MYOM1: variants seen among roughly 807,000 people sequenced by gnomAD.
MYOM1 encodes the protein myomesin-1.
In MYOM1, 164 loss-of-function variants were observed where a neutral mutation model predicts 205.3. That is an observed-to-expected ratio of 0.80 (90% confidence interval 0.70 to 0.91). The LOEUF (loss-of-function observed/expected upper bound fraction) is 0.91, where lower values mean the gene tolerates loss of function less well. Ranked by LOEUF, MYOM1 falls within the 40% of genes least tolerant of loss-of-function variation. MYOM1 has a pLI of 0.00. For synonymous variants in MYOM1, 772 were observed against 789.4 expected, an observed-to-expected ratio of 0.98 and a Z score of 0.37; for missense variants, 2,011 against 2,127.3, an observed-to-expected ratio of 0.95 and a Z score of 1.08.
Position 3,084,390 on chromosome 18 carries a change from A to G in MYOM1, c.4340-363T>C, listed in dbSNP as rs559811671. Among the ~76,000 whole-genome samples the G allele has an allele frequency of 9.3e-5, 14 of 150,680 alleles. 1 individual carries two copies. In the South Asian group the frequency reaches 2.9e-3, roughly 31 times the overall value. On this transcript the variant is annotated intron_variant, in intron 31 of 37. Coordinates refer to ENST00000356443, the MANE Select transcript of MYOM1 (RefSeq NM_003803.4). Reference sequence around the variant, plus strand: ...TAGAGGACATTTTCTTAGCCGTGTCATCGATTCATAATGAATTAACCATGT... The same window carrying G: ...TAGAGGACATTTTCTTAGCCGTGTCGTCGATTCATAATGAATTAACCATGT...
chr18:3,100,508 G>GTA, intron 23 of MYOM1, 82 bp from the exon 24 acceptor site: 1 of 932,772 alleles, frequency 1.1e-6, no homozygotes, highest in Non-Finnish European at 1.7e-6. Context: ...GGGCATTTGT[G>GTA]TATACTACTC....
At chr18:3,092,812 T>G (rs2079244190) in intron 26 of MYOM1, among the ~76,000 whole-genome samples, 1 of 152,178 alleles carries the variant, frequency 6.6e-6, no homozygotes, top group Admixed American at 6.5e-5. Flanking sequence ...ATAAATCACT[T>G]GAACGAGAAA....
At chr18:3,194,968 A>C (rs1373514731) in intron 2 of MYOM1, among the ~76,000 whole-genome samples, 1 of 152,214 alleles carries the variant, frequency 6.6e-6, no homozygotes, top group Non-Finnish European at 1.5e-5. Context: ...CTCTAAAGAC[A>C]AGGTGAACAG....
chr18:3,162,009 A>G (rs1455121614), intron 10 of MYOM1, among the ~76,000 whole-genome samples: 1 of 152,226 alleles, frequency 6.6e-6, no homozygotes, highest in Non-Finnish European at 1.5e-5. Context: ...TTCTAATCAT[A>G]GACCTTTTGG....
At position 3,116,438 on chromosome 18, in the gene MYOM1, C is replaced by T. The variant is rs756554639; in HGVS notation, c.3196G>A (p.Gly1066Arg). The T allele has an allele frequency of 3.8e-5, 61 of 1,613,482 alleles. No individual in the cohort carries two copies. In the East Asian group the frequency reaches 5.6e-4, roughly 15 times the overall value. The change falls in exon 21 of 38, where the codon GGG becomes AGG. Residue 1066 changes from glycine to arginine, a missense_variant. Coordinates refer to ENST00000356443, the MANE Select transcript of MYOM1 (RefSeq NM_003803.4). ...AAGTAACCAGTGACCGGAGTCCGCCCGGAGTGGACTGGCGGCTTCCACTGG... is the reference window on the plus strand; with the variant it reads ...AAGTAACCAGTGACCGGAGTCCGCCTGGAGTGGACTGGCGGCTTCCACTGG... ...VLQWKPPVHSGRTPVTGYFVD... is the reference protein window; with the variant it reads ...VLQWKPPVHSRRTPVTGYFVD...
chr18:3,122,104 G>A (rs947548273), intron 19 of MYOM1, among the ~76,000 whole-genome samples: 1 of 151,988 alleles, frequency 6.6e-6, no homozygotes, highest in African/African-American at 2.4e-5. Flanking sequence ...CAGGGACAGA[G>A]TGAGACTTTG....
chr18:3,239,813 T>G, the MYOM1 span, among the ~76,000 whole-genome samples: 15 of 126,550 alleles, frequency 1.2e-4, no homozygotes, highest in Admixed American at 9.4e-4. Context: ...ATGAAAAGAC[T>G]AGAGAAATGT....
At chr18:3,175,108 C>T (rs959628049) in intron 6 of MYOM1, among the ~76,000 whole-genome samples, 42 of 152,068 alleles carry the variant, frequency 2.8e-4, no homozygotes, top group South Asian at 6.2e-4. Context: ...AACACAGTTG[C>T]CCTTCTCATA....
At chr18:3,096,167 A>G (rs11081004) in intron 25 of MYOM1, among the ~76,000 whole-genome samples, 76,002 of 151,968 alleles carry the variant, frequency 0.5, 19,522 homozygotes, top group Admixed American at 0.62. Flanking sequence ...GATAGCCCAC[A>G]TCACAGTCAG....
At chr18:3,093,154 T>G (rs1374858318) in intron 26 of MYOM1, among the ~76,000 whole-genome samples, 1 of 152,174 alleles carries the variant, frequency 6.6e-6, no homozygotes, top group Non-Finnish European at 1.5e-5. Flanking sequence ...CTCCTAATAT[T>G]CATGGTACTC....
chr18:3,215,244 C>T lies in MYOM1; in HGVS notation c.-21G>A, dbSNP rs1381706308. The T allele has an allele frequency of 1.9e-6, 3 of 1,585,378 alleles. No individual in the cohort carries two copies. Among genetic ancestry groups the T allele is most frequent in the African/African-American group, 1.3e-5 (1 of 74,438 alleles). On this transcript the variant is annotated 5_prime_UTR_variant, in exon 2 of 38. Coordinates refer to ENST00000356443, the MANE Select transcript of MYOM1 (RefSeq NM_003803.4). ...GACATCCTGTGCCCCTTGAAGGAAC[C>T]GGGCCACCTGAAGGAAAACAACACT...
At chr18:3,153,481 T>G (rs531729375) in intron 11 of MYOM1, among the ~76,000 whole-genome samples, 7 of 152,332 alleles carry the variant, frequency 4.6e-5, no homozygotes, top group African/African-American at 1.7e-4. Context: ...GTATTTTCAC[T>G]ATGACTAAGG....
At chr18:3,167,720 C>T (rs536986049) in intron 9 of MYOM1, among the ~76,000 whole-genome samples, 2 of 152,294 alleles carry the variant, frequency 1.3e-5, no homozygotes, top group Non-Finnish European at 2.9e-5. Context: ...TTTTTCAAGT[C>T]CAGTGCTTCA....
chr18:3,210,397 T>C lies in MYOM1; in HGVS notation c.290+4537A>G, dbSNP rs191609906. Among the ~76,000 whole-genome samples, 303 of 152,292 alleles carry C rather than the reference T, an allele frequency of 2.0e-3. 1 individual carries two copies. The highest frequency in any genetic ancestry group is 0.014 in the Middle Eastern group (4 of 294). On this transcript the variant is annotated intron_variant, in intron 2 of 37. Coordinates refer to ENST00000356443, the MANE Select transcript of MYOM1 (RefSeq NM_003803.4). ...TGGGAGTGGGGGTGGTTGATCAATG[T>C]GACATAGGGGTAGGTGAGGGGCATG...
chr18:3,211,315 C>A (rs1433660019), intron 2 of MYOM1, among the ~76,000 whole-genome samples: 4 of 152,198 alleles, frequency 2.6e-5, no homozygotes, highest in Non-Finnish European at 5.9e-5. Flanking sequence ...AGGTCATACA[C>A]TAGACTCTCT....
chr18:3,110,360 T>C (rs1184684151), intron 22 of MYOM1, among the ~76,000 whole-genome samples: 2 of 152,140 alleles, frequency 1.3e-5, no homozygotes, highest in Non-Finnish European at 2.9e-5. Context: ...GACTGGCGGC[T>C]GACCATTCAG....
At chr18:3,210,404 G>A (rs1400423065) in intron 2 of MYOM1, among the ~76,000 whole-genome samples, 1 of 152,206 alleles carries the variant, frequency 6.6e-6, no homozygotes, top group African/African-American at 2.4e-5. Context: ...ATGTGACATA[G>A]GGGTAGGTGA....
intron 16 of MYOM1, among the ~76,000 whole-genome samples, chr18:3,131,874 C>T (rs887815156): frequency 6.6e-6 from 1 of 151,622 alleles, no homozygotes; most frequent in Non-Finnish European, 1.5e-5. Flanking sequence ...CTGGTCTTCC[C>T]CAAATGCTCA....
chr18:3,203,098 T>A (rs1486753065), intron 2 of MYOM1, among the ~76,000 whole-genome samples: 1 of 151,474 alleles, frequency 6.6e-6, no homozygotes. Context: ...TCGAACTATA[T>A]AAAAACAAAA....
Sources: gnomAD v4.1 joint callset for allele counts (sites outside exome capture counted in the v4.1 genomes callset) on GRCh38, gnomAD v4.1.1 for gene constraint, MANE v1.5 for transcripts, NCBI Gene and HGNC (gene_info 2026-07-23, HGNC 2026-07-21) for gene names.